The following KCNMA1 variants were observed in gnomAD, a reference collection of about 807,000 sequenced individuals.
KCNMA1 encodes potassium calcium-activated channel subfamily M alpha 1.
Under a neutral mutation model 140.0 loss-of-function variants are expected in KCNMA1, and 29 were observed. The ratio of observed to expected loss-of-function variants is 0.21; its 90% CI spans 0.15 to 0.28. The LOEUF (loss-of-function observed/expected upper bound fraction) is 0.28. Ranked by LOEUF, KCNMA1 falls within the 10% of genes least tolerant of loss-of-function variation. KCNMA1 has a pLI of 1.00. For missense variants in KCNMA1, 880 were observed against 1,602.2 expected, an observed-to-expected ratio of 0.55 and a Z score of 7.70; for synonymous variants, 612 against 611.9, an observed-to-expected ratio of 1.00 and a Z score of 0.00.
At chr10:77,402,819 A>G (rs2096318621) in intron 2 of KCNMA1, among the ~76,000 whole-genome samples, 1 of 152,112 alleles carries the variant, frequency 6.6e-6, no homozygotes, top group Admixed American at 6.5e-5. Flanking sequence ...CCTTCCATCT[A>G]TGAGCCAAAT....
chr10:77,409,231 G>T (rs1223968696), intron 1 of KCNMA1, among the ~76,000 whole-genome samples: 5 of 152,310 alleles, frequency 3.3e-5, no homozygotes, highest in African/African-American at 1.2e-4. Context: ...CTCATCTGAT[G>T]CGTTTGGGCA....
intron 2 of KCNMA1, among the ~76,000 whole-genome samples, chr10:77,262,058 T>A (rs114299109): frequency 2.2e-3 from 331 of 152,316 alleles, no homozygotes; most frequent in Middle Eastern, 6.8e-3. Flanking sequence ...ACCCTGCCAG[T>A]TGTTAAATTA....
intron 2 of KCNMA1, among the ~76,000 whole-genome samples, chr10:77,274,098 T>C (rs12414292): frequency 3.3e-5 from 5 of 152,178 alleles, no homozygotes; most frequent in Admixed American, 2.6e-4. Flanking sequence ...CTCTCTTCCC[T>C]CTTGCCACTG....
chr10:77,322,671 G>C (rs1312296333), intron 2 of KCNMA1, among the ~76,000 whole-genome samples: 4 of 152,150 alleles, frequency 2.6e-5, no homozygotes, highest in African/African-American at 7.2e-5. Flanking sequence ...GACTGGCTAA[G>C]AGTAGCCATG....
intron 9 of KCNMA1, among the ~76,000 whole-genome samples, chr10:77,106,273 AAGAG>A (rs892023228): frequency 4.6e-5 from 7 of 151,568 alleles, no homozygotes; most frequent in South Asian, 2.1e-4. Flanking sequence ...AAAAAAGAGA[AAGAG>A]AGAGAGAGAG....
intron 19 of KCNMA1, among the ~76,000 whole-genome samples, chr10:76,989,301 A>G (rs1342089462): frequency 6.6e-6 from 1 of 152,192 alleles, no homozygotes; most frequent in Non-Finnish European, 1.5e-5. Flanking sequence ...TTCCTGCCCT[A>G]GAAGCTGCGA....
At chr10:77,252,275 G>A (rs547538360) in intron 2 of KCNMA1, among the ~76,000 whole-genome samples, 4 of 152,172 alleles carry the variant, frequency 2.6e-5, no homozygotes, top group Non-Finnish European at 5.9e-5. Flanking sequence ...GCAAATAAAG[G>A]ATAGTCAGAA....
At chr10:76,947,992 G>GTT (rs756053830) in intron 22 of KCNMA1, among the ~76,000 whole-genome samples, 1 of 10,462 alleles carries the variant, frequency 9.6e-5, no homozygotes, top group East Asian at 6.1e-3. Context: ...ATGTTCCTCA[G>GTT]TTGTTTCTTG....
chr10:76,977,834 A>G, intron 19 of KCNMA1: 7 of 576,822 alleles, frequency 1.2e-5, no homozygotes, highest in Non-Finnish European at 2.2e-5. Flanking sequence ...ACTCAAGCTA[A>G]GTTAGATTCA....
intron 23 of KCNMA1, among the ~76,000 whole-genome samples, chr10:76,941,018 G>GAAGGAAGAAAGA (rs1554960623): frequency 1.8e-4 from 7 of 38,258 alleles, no homozygotes; most frequent in Non-Finnish European, 1.9e-4. Context: ...AGGAAGGAAG[G>GAAGGAAGAAAGA]AAGAAAGAAA....
intron 23 of KCNMA1, among the ~76,000 whole-genome samples, chr10:76,921,613 C>G (rs566323561): frequency 2.0e-5 from 3 of 152,226 alleles, no homozygotes; most frequent in Non-Finnish European, 2.9e-5. Context: ...AATGAGGCAT[C>G]TGAATAGCTC....
chr10:77,319,884 G>A (rs1444393330), intron 2 of KCNMA1, among the ~76,000 whole-genome samples: 1 of 152,164 alleles, frequency 6.6e-6, no homozygotes, highest in Non-Finnish European at 1.5e-5. Flanking sequence ...ATACTGTATT[G>A]AGCAAGAAAT....
In KCNMA1 at chr10:76,915,015, T is replaced by C. The variant is rs138823071; in HGVS notation, c.2937A>G (p.Pro979=). ...FTPPGMDRSS[P]DNSPVHGMLR... ...ACATCCCGTGCACTGGGCTGTTATC[T>C]GGAGAGGATCTATCCATTCCTGGAG... Residue 979 remains proline, a synonymous_variant, in exon 24 of 28, where the codon CCA becomes CCG. Transcript: ENST00000286628. The C allele has an allele frequency of 1.3e-4, 211 of 1,613,610 alleles. No homozygotes were observed. In the African/African-American group the frequency reaches 2.4e-3, roughly 19 times the overall value.
At chr10:77,004,807 G>T (rs2087838868) in intron 18 of KCNMA1, among the ~76,000 whole-genome samples, 1 of 152,060 alleles carries the variant, frequency 6.6e-6, no homozygotes, top group Non-Finnish European at 1.5e-5. Flanking sequence ...CAGAACCACT[G>T]GTGTTTTGTT....
intron 10 of KCNMA1, among the ~76,000 whole-genome samples, 170 bp downstream of exon 10, chr10:77,090,230 T>C (rs1462792178): frequency 1.3e-5 from 2 of 152,128 alleles, no homozygotes; most frequent in African/African-American, 4.8e-5. Flanking sequence ...TCCCTTTCCA[T>C]TGGTTCTGCA....
intron 5 of KCNMA1, among the ~76,000 whole-genome samples, chr10:77,143,649 A>T (rs927892354): frequency 5.3e-5 from 8 of 152,340 alleles, no homozygotes; most frequent in Non-Finnish European, 1.2e-4. Context: ...ATAAACAAAC[A>T]CAGCAGAGTG....
At chr10:77,156,515 T>C (rs924058475) in intron 5 of KCNMA1, among the ~76,000 whole-genome samples, 4 of 152,206 alleles carry the variant, frequency 2.6e-5, no homozygotes, top group African/African-American at 9.7e-5. Flanking sequence ...TTGGGAGGAA[T>C]TTATAGTTTA....
At chr10:77,397,081 T>A (rs904711887) in intron 2 of KCNMA1, among the ~76,000 whole-genome samples, 2 of 152,064 alleles carry the variant, frequency 1.3e-5, no homozygotes, top group Non-Finnish European at 2.9e-5. Flanking sequence ...GAGATCAACA[T>A]GGAAATGAAT....
chr10:76,915,882 C>T (rs759822158), intron 23 of KCNMA1, among the ~76,000 whole-genome samples: 2 of 152,010 alleles, frequency 1.3e-5, no homozygotes, highest in Non-Finnish European at 2.9e-5. Context: ...ACTGAGGCAC[C>T]AGCTGAGGGC....
Sources: allele counts gnomAD v4.1 joint callset (sites outside exome capture counted in the v4.1 genomes callset), GRCh38; gene constraint gnomAD v4.1.1; transcripts MANE v1.5; gene names NCBI Gene and HGNC (gene_info 2026-07-23, HGNC 2026-07-21).